WDPCP: variants seen among roughly 807,000 people sequenced by gnomAD.
WDPCP encodes WD repeat-containing and planar cell polarity effector protein fritz homolog.
Under a neutral mutation model 93.1 loss-of-function variants are expected in WDPCP, and 71 were observed. That is an observed-to-expected ratio of 0.76 (90% CI 0.63 to 0.93). WDPCP has a LOEUF of 0.93. Among genes scored for constraint, WDPCP ranks in the 40% least tolerant of loss-of-function variants. The pLI is 0.00. For synonymous variants in WDPCP, 315 were observed against 315.0 expected, an observed-to-expected ratio of 1.00 and a Z score of 0.00; for missense variants, 844 against 887.4, an observed-to-expected ratio of 0.95 and a Z score of 0.62.
intron 13 of WDPCP, among the ~76,000 whole-genome samples, chr2:63,262,370 A>T (rs1681706939): frequency 6.6e-6 from 1 of 152,164 alleles, no homozygotes; most frequent in Non-Finnish European, 1.5e-5. Flanking sequence ...TGAAGATTTC[A>T]ATTCTGACCC....
upstream of WDPCP, among the ~76,000 whole-genome samples, chr2:63,830,609 A>G (rs1031749598): frequency 3.3e-5 from 5 of 152,124 alleles, no homozygotes; most frequent in Admixed American, 3.3e-4. Context: ...TACTGCTCTT[A>G]TAAGGGTAAC....
chr2:63,289,003 A>G (rs1000585380), intron 13 of WDPCP, among the ~76,000 whole-genome samples: 1 of 152,108 alleles, frequency 6.6e-6, no homozygotes, highest in Non-Finnish European at 1.5e-5. Flanking sequence ...ATATGAGGTG[A>G]CAAATTACTT....
At chr2:63,534,757 C>T (rs1448528530) in intron 1 of WDPCP, among the ~76,000 whole-genome samples, 2 of 152,276 alleles carry the variant, frequency 1.3e-5, no homozygotes, top group South Asian at 2.1e-4. Context: ...CAATATCATA[C>T]TGAATGGGCA....
At position 63,391,742 on chromosome 2, in the gene WDPCP, A is replaced by G. The variant is rs13394262; in HGVS notation, c.1436-9648T>C. ...AAATCACAAGCATTCCTATACATCAATAATAGACAGAGAGCCAAATCAGGA... is the reference window on the plus strand; with the variant it reads ...AAATCACAAGCATTCCTATACATCAGTAATAGACAGAGAGCCAAATCAGGA... On this transcript the variant is annotated intron_variant, in intron 10 of 17. Transcript: ENST00000272321. Among the ~76,000 whole-genome samples the G allele has an allele frequency of 8.4e-4, 127 of 151,994 alleles. No homozygotes were observed. The Middle Eastern group carries it at 0.01, about 12-fold the overall frequency.
In WDPCP at chr2:63,267,828, A is replaced by T. The variant is rs1043450658; in HGVS notation, c.1813-8419T>A. Among the ~76,000 whole-genome samples the T allele has an allele frequency of 6.6e-5, 10 of 152,290 alleles. No individual in the cohort carries two copies. In the East Asian group the frequency reaches 1.9e-3, roughly 29 times the overall value. On this transcript the variant is annotated intron_variant, in intron 13 of 17. Coordinates refer to ENST00000272321, the MANE Select transcript of WDPCP (RefSeq NM_015910.7). ...AATGTCAAAAAAGAAAAAAAGAACA[A>T]GTGTTGGTGAGGATATGAGGAGAAG...
intron 6 of WDPCP, chr2:63,477,765 T>C (rs997320290): frequency 5.3e-5 from 8 of 152,098 alleles, no homozygotes; most frequent in African/African-American, 1.9e-4. Context: ...ACACACACCC[T>C]AAATAGGGAA....
chr2:63,154,448 G>A (rs1228023497), intron 15 of WDPCP, among the ~76,000 whole-genome samples: 1 of 152,058 alleles, frequency 6.6e-6, no homozygotes, highest in Non-Finnish European at 1.5e-5. Context: ...ATAATGCCCT[G>A]ATATTCATCC....
chr2:63,516,769 G>GT (rs368970145), intron 1 of WDPCP, among the ~76,000 whole-genome samples: 2,501 of 151,612 alleles, frequency 0.016, 85 homozygotes, highest in African/African-American at 0.057. Flanking sequence ...AGGATAATGG[G>GT]TTTTTTTTTA....
chr2:63,498,620 A>C (rs1015267742), intron 1 of WDPCP, among the ~76,000 whole-genome samples: 1 of 152,220 alleles, frequency 6.6e-6, no homozygotes, highest in Non-Finnish European at 1.5e-5. Context: ...TAAATGTTTT[A>C]GAAGTAGAGA....
rs747120283 is a variant in WDPCP, at chr2:63,714,055, C to CTT, written n.309-63219_309-63218dup. Among the ~76,000 whole-genome samples, 223 of 135,066 alleles carry CTT rather than the reference C, an allele frequency of 1.7e-3. 1 individual carries two copies. The highest frequency in any genetic ancestry group is 3.5e-3 in the Admixed American group (47 of 13,434). 88.6% of individuals were successfully genotyped at this position (135,066 alleles called of 152,430 possible). A position where few individuals can be genotyped will look rare whatever the true frequency, so the allele number is the denominator to read the frequency against. ...CGAACAACTATGTATCTTTTTTATT[C>CTT]TTTTTTTTTTTTTTTTTGAGACGGA... On this transcript the variant is annotated intron_variant and non_coding_transcript_variant, in intron 2 of 4. Transcript: ENST00000467687.
At chr2:63,338,567 AAAATATATATATATATATATAT>A (rs1376202049) in intron 12 of WDPCP, among the ~76,000 whole-genome samples, 144 of 10,986 alleles carry the variant, frequency 0.013, 14 homozygotes, top group East Asian at 0.071. Flanking sequence ...AAAAAAAAAA[AAAATATATATATATATATATAT>A]ATATATATAT....
intron 14 of WDPCP, among the ~76,000 whole-genome samples, chr2:63,218,344 C>G (rs1677526127): frequency 6.6e-6 from 1 of 152,000 alleles, no homozygotes; most frequent in South Asian, 2.1e-4. Context: ...GGGATATTAG[C>G]ACTATTAATA....
chr2:63,295,146 T>C (rs142550308), intron 13 of WDPCP, among the ~76,000 whole-genome samples: 116 of 152,116 alleles, frequency 7.6e-4, no homozygotes, highest in African/African-American at 2.7e-3. Flanking sequence ...AGAAAATAGC[T>C]ATAGAATATA....
intron 2 of WDPCP, among the ~76,000 whole-genome samples, chr2:63,700,164 C>T (rs1253735131): frequency 6.6e-6 from 1 of 151,490 alleles, no homozygotes; most frequent in East Asian, 1.9e-4. Flanking sequence ...CACCTGTAGT[C>T]CCAGCTACTT....
chr2:63,353,937 T>G (rs987260065), intron 12 of WDPCP, among the ~76,000 whole-genome samples: 1 of 151,996 alleles, frequency 6.6e-6, no homozygotes, highest in South Asian at 2.1e-4. Context: ...ACTGGGCAGG[T>G]CCTCCAGGTC....
intron 8 of WDPCP, among the ~76,000 whole-genome samples, chr2:63,436,987 C>T (rs1288809333): frequency 6.6e-6 from 1 of 151,928 alleles, no homozygotes; most frequent in Non-Finnish European, 1.5e-5. Context: ...GTTTATTACA[C>T]TTTTCTATTA....
chr2:63,465,138 T>A (rs1050653500), intron 6 of WDPCP, among the ~76,000 whole-genome samples: 2 of 151,470 alleles, frequency 1.3e-5, no homozygotes, highest in African/African-American at 2.4e-5. Flanking sequence ...TTATTTATTA[T>A]TTATTTATTT....
chr2:63,704,014 A>G (rs1218568819), intron 2 of WDPCP, among the ~76,000 whole-genome samples: 1 of 152,100 alleles, frequency 6.6e-6, no homozygotes, highest in East Asian at 1.9e-4. Context: ...GAGGTCCTTC[A>G]TGTCCCTTGT....
At chr2:63,185,978 T>C (rs1054759239) in intron 14 of WDPCP, among the ~76,000 whole-genome samples, 1 of 151,952 alleles carries the variant, frequency 6.6e-6, no homozygotes. Context: ...TAGGGAGCAG[T>C]CACCAAATGC....
Sources: allele counts gnomAD v4.1 joint callset (sites outside exome capture counted in the v4.1 genomes callset), GRCh38; gene constraint gnomAD v4.1.1; transcripts MANE v1.5; gene names NCBI Gene and HGNC (gene_info 2026-07-23, HGNC 2026-07-21).